The following ZRANB3 variants were observed in gnomAD, a reference collection of about 807,000 sequenced individuals.
ZRANB3 encodes DNA annealing helicase and endonuclease ZRANB3.
ZRANB3 carries 125 observed loss-of-function variants against 133.8 expected under a neutral mutation model. The ratio of observed to expected loss-of-function variants is 0.93; its 90% CI spans 0.81 to 1.08. The LOEUF is 1.08. Ranked by LOEUF, ZRANB3 falls within the 50% of genes least tolerant of loss-of-function variation. The pLI, the probability that ZRANB3 is intolerant of heterozygous loss-of-function variation, is 0.00. For missense variants in ZRANB3, 1,229 were observed against 1,275.5 expected (o/e 0.96, Z 0.56); for synonymous variants, 387 against 432.7 (o/e 0.89, Z 1.31).
intron 2 of ZRANB3, among the ~76,000 whole-genome samples, chr2:135,395,408 C>T (rs1259543906): frequency 2.0e-5 from 3 of 149,630 alleles, no homozygotes; most frequent in South Asian, 2.1e-4. Context: ...AACACTGAGG[C>T]GATACTCCAG....
chr2:135,530,186 G>T (rs1487853978), intron 1 of ZRANB3, among the ~76,000 whole-genome samples: 1 of 150,622 alleles, frequency 6.6e-6, no homozygotes, highest in African/African-American at 2.5e-5. Flanking sequence ...CTCCAGCCTG[G>T]GGACAGAGCA....
At position 135,474,112 on chromosome 2, in the gene ZRANB3, G is replaced by C. The variant is rs781437955; in HGVS notation, c.161+30217C>G. On this transcript the variant is annotated intron_variant, in intron 2 of 20. Coordinates refer to ENST00000264159, the MANE Select transcript of ZRANB3 (RefSeq NM_032143.4). ...AGGCTGAGGCGGGAGGATCACATGA[G>C]CCTGGAAACCAGAGGTTGCAGTGAA... Among the ~76,000 whole-genome samples the C allele has an allele frequency of 8.4e-4, 128 of 152,116 alleles. 1 individual carries two copies. The highest frequency in any genetic ancestry group is 3.4e-3 in the Middle Eastern group (1 of 294).
intron 12 of ZRANB3, among the ~76,000 whole-genome samples, chr2:135,257,156 C>A (rs1679700559): frequency 6.6e-6 from 1 of 152,216 alleles, no homozygotes; most frequent in South Asian, 2.1e-4. Flanking sequence ...GCCCATGCCA[C>A]TGCTCTGCCT....
chr2:135,275,291 GCGGGGGCTGCCCCC>G (rs1680749397), intron 9 of ZRANB3, among the ~76,000 whole-genome samples: 1 of 147,586 alleles, frequency 6.8e-6, no homozygotes, highest in African/African-American at 2.7e-5. Flanking sequence ...GGCTGGCCGG[GCGGGGGCTGCCCCC>G]CACCTCCCTC....
intron 8 of ZRANB3, among the ~76,000 whole-genome samples, chr2:135,312,131 T>A (rs75930897): frequency 0.012 from 1,069 of 91,974 alleles, 15 homozygotes; most frequent in East Asian, 0.029. Flanking sequence ...TTATTTTATT[T>A]TATTATTTTA....
At chr2:135,457,925 G>T (rs1690599751) in intron 2 of ZRANB3, among the ~76,000 whole-genome samples, 1 of 152,046 alleles carries the variant, frequency 6.6e-6, no homozygotes, top group South Asian at 2.1e-4. Flanking sequence ...ATGAAATTCA[G>T]TTTATGTACT....
intron 2 of ZRANB3, among the ~76,000 whole-genome samples, chr2:135,454,294 T>C (rs958085466): frequency 6.6e-6 from 1 of 152,218 alleles, no homozygotes; most frequent in African/African-American, 2.4e-5. Flanking sequence ...AGTTGAGATT[T>C]GAATGGGGAC....
At chr2:135,494,324 G>A (rs79171468) in intron 2 of ZRANB3, among the ~76,000 whole-genome samples, 15,292 of 131,948 alleles carry the variant, frequency 0.12, 1,132 homozygotes, top group South Asian at 0.32. Context: ...AAAAAAAAAA[G>A]AAAAGAAAAA....
intron 8 of ZRANB3, among the ~76,000 whole-genome samples, chr2:135,299,318 C>A (rs142593851): frequency 6.6e-6 from 1 of 152,236 alleles, no homozygotes; most frequent in East Asian, 1.9e-4. Flanking sequence ...TATCCAGCTC[C>A]CAGGCAGCCA....
intron 14 of ZRANB3, among the ~76,000 whole-genome samples, chr2:135,227,594 C>A (rs777357325): frequency 2.6e-5 from 4 of 152,154 alleles, no homozygotes; most frequent in African/African-American, 7.2e-5. Context: ...AGCTATTTAT[C>A]GGTTTTGCTC....
At chr2:135,528,830 T>G (rs1336891386) in intron 1 of ZRANB3, among the ~76,000 whole-genome samples, 3 of 151,754 alleles carry the variant, frequency 2.0e-5, no homozygotes, top group African/African-American at 7.3e-5. Flanking sequence ...CATCTTACTT[T>G]GTATACAAAC....
At chr2:135,500,492 A>C (rs962242243) in intron 2 of ZRANB3, among the ~76,000 whole-genome samples, 3 of 152,180 alleles carry the variant, frequency 2.0e-5, no homozygotes, top group Non-Finnish European at 4.4e-5. Flanking sequence ...ACTCACAATA[A>C]TGTTGAGAAA....
At chr2:135,337,387 A>G (rs1684414645) in intron 6 of ZRANB3, among the ~76,000 whole-genome samples, 1 of 152,218 alleles carries the variant, frequency 6.6e-6, no homozygotes, top group Non-Finnish European at 1.5e-5. Context: ...AAGGATACAA[A>G]GTCAACTTCC....
Position 135,275,665 on chromosome 2 carries a change from C to G in ZRANB3, c.1057G>C (p.Ala353Pro), listed in dbSNP as rs780214016. ...VFAHHLSMLQ[A>P]CTEAVIENKT... Reference sequence around the variant, plus strand: ...TTTTCGATGACTGCTTCTGTGCAAGCTTGGAGCATGCTTAAATGGTGAGCA... The same window carrying G: ...TTTTCGATGACTGCTTCTGTGCAAGGTTGGAGCATGCTTAAATGGTGAGCA... Residue 353 changes from alanine to proline, a missense_variant, in exon 9 of 21, where the codon GCT (alanine) becomes CCT (proline). Physicochemically the swap from Ala to Pro is conservative, Grantham distance 27. Transcript: ENST00000264159. The G allele has an allele frequency of 3.1e-6, 5 of 1,605,260 alleles. No individual in the cohort carries two copies. The highest frequency in any genetic ancestry group is 4.3e-6 in the Non-Finnish European group (5 of 1,175,780).
chr2:135,484,863 G>A (rs993185091), intron 2 of ZRANB3, among the ~76,000 whole-genome samples: 2 of 151,540 alleles, frequency 1.3e-5, no homozygotes, highest in East Asian at 3.9e-4. Context: ...GTGAAACCCC[G>A]CCTCTACTAA....
At chr2:135,337,284 T>G (rs1434603860) in intron 6 of ZRANB3, among the ~76,000 whole-genome samples, 1 of 152,228 alleles carries the variant, frequency 6.6e-6, no homozygotes, top group African/African-American at 2.4e-5. Context: ...TTCTTCAGCA[T>G]GCTTGGCACA....
chr2:135,404,176 C>T (rs978111585), intron 2 of ZRANB3, among the ~76,000 whole-genome samples: 1 of 152,080 alleles, frequency 6.6e-6, no homozygotes, highest in South Asian at 2.1e-4. Flanking sequence ...GAAGTTCAAA[C>T]CCATGGCAAA....
Position 135,200,293 on chromosome 2 carries a change from A to C in ZRANB3, c.*49T>G. 2.1e-6 allele frequency: 3 copies of C among 1,450,774 alleles called. No homozygotes were observed. Among genetic ancestry groups the C allele is most frequent in the Non-Finnish European group, 1.9e-6 (2 of 1,059,180 alleles). The allele number at this position is 1,450,774 out of a possible 1,614,324, so 89.9% of individuals were successfully genotyped here. On this transcript the variant is annotated 3_prime_UTR_variant, in exon 21 of 21. Transcript: ENST00000264159. ...CAAACATGGAAAACTTCTGTATTAA[A>C]GTCTTCCACATGTAAACCATTTGTC... is the stretch of plus-strand genomic sequence containing the variant.
intron 2 of ZRANB3, among the ~76,000 whole-genome samples, chr2:135,477,788 G>C (rs948698583): frequency 6.6e-6 from 1 of 152,144 alleles, no homozygotes; most frequent in African/African-American, 2.4e-5. Flanking sequence ...AAGCCCAGGA[G>C]TTGGAGACCA....
Sources: gnomAD v4.1 joint callset for allele counts (sites outside exome capture counted in the v4.1 genomes callset) on GRCh38, gnomAD v4.1.1 for gene constraint, MANE v1.5 for transcripts, NCBI Gene and HGNC (gene_info 2026-07-23, HGNC 2026-07-21) for gene names.